Variants in PIEZO2 observed in about 807,000 individuals in gnomAD.
PIEZO2 encodes piezo type mechanosensitive ion channel component 2, also known as piezo-type mechanosensitive ion channel component 2.
PIEZO2 carries 172 observed loss-of-function variants against 337.3 expected under a neutral mutation model. That is an observed-to-expected ratio of 0.51 (90% CI 0.45 to 0.58). PIEZO2 has a LOEUF of 0.58. PIEZO2 is among the 20% of genes least tolerant of loss of function. The pLI is 0.00. For missense variants in PIEZO2, 3,028 were observed against 3,391.3 expected, an observed-to-expected ratio of 0.89 and a Z score of 2.66; for synonymous variants, 1,251 against 1,228.5, an observed-to-expected ratio of 1.02 and a Z score of -0.38.
chr18:10,938,766 G>A (rs1402408598), intron 3 of PIEZO2, among the ~76,000 whole-genome samples: 1 of 152,164 alleles, frequency 6.6e-6, no homozygotes, highest in African/African-American at 2.4e-5. Flanking sequence ...GAGATAACTA[G>A]GTAACAATTA....
chr18:11,121,828 C>T (rs996300204), intron 1 of PIEZO2, among the ~76,000 whole-genome samples: 1 of 152,196 alleles, frequency 6.6e-6, no homozygotes, highest in African/African-American at 2.4e-5. Flanking sequence ...TGCATTCAAC[C>T]TCTCTTTGAT....
chr18:11,136,339 G>A (rs2040486727), intron 1 of PIEZO2, among the ~76,000 whole-genome samples: 1 of 152,228 alleles, frequency 6.6e-6, no homozygotes, highest in Non-Finnish European at 1.5e-5. Context: ...CTAGGAGCTG[G>A]AGCCTTCTAG....
In PIEZO2 at chr18:10,671,421, A is replaced by T; in HGVS notation, c.*106T>A. 1 of 1,270,776 alleles carries T rather than the reference A, an allele frequency of 7.9e-7. No homozygotes were observed. The highest frequency in any genetic ancestry group is 1.1e-6 in the Non-Finnish European group (1 of 942,866). The allele number at this position is 1,270,776 out of a possible 1,614,324, so 78.7% of individuals were successfully genotyped here. A position where few individuals can be genotyped will look rare whatever the true frequency, so the allele number is the denominator to read the frequency against. Reference sequence around the variant, plus strand: ...CCTTTTGTCTACCTATCAGAAGAGAAACAAACCATTTCCGTCGAACTAGAA... The same window carrying T: ...CCTTTTGTCTACCTATCAGAAGAGATACAAACCATTTCCGTCGAACTAGAA... On this transcript the variant is annotated 3_prime_UTR_variant, in exon 56 of 56. Transcript: ENST00000674853.
intron 4 of PIEZO2, among the ~76,000 whole-genome samples, chr18:10,897,320 G>A (rs566708165): frequency 6.6e-6 from 1 of 152,140 alleles, no homozygotes; most frequent in Admixed American, 6.5e-5. Context: ...CCGAGTAGCT[G>A]GTATTACAGG....
intron 3 of PIEZO2, among the ~76,000 whole-genome samples, chr18:10,916,999 A>G (rs2145111203): frequency 6.6e-6 from 1 of 152,278 alleles, no homozygotes; most frequent in Admixed American, 6.5e-5. Context: ...GAATGCCTAT[A>G]GAAGTTCTCT....
rs530391020 is a variant in PIEZO2 at position 10,895,637 on chromosome 18, T to C, written c.329+15549A>G. The stretch of plus-strand genomic sequence containing the variant: ...GGGGTTGCCTCACTCAGGATTTGCA[T>C]TGGAGTGATCCTCAGTTTAACACCT... On this transcript the variant is annotated intron_variant, in intron 4 of 55. Transcript: ENST00000674853. The surrounding 1 kb of genome is among the most constrained non-coding windows in gnomAD (Gnocchi z 4.8). Among the ~76,000 whole-genome samples, 22 of 152,154 alleles carry C rather than the reference T, an allele frequency of 1.4e-4. No homozygotes were observed. The South Asian group carries it at 3.9e-3, about 27-fold the overall frequency.
rs1385130312 is a variant in PIEZO2, at chr18:10,762,494, C to T, written c.3249+6G>A. The T allele has an allele frequency of 1.3e-6, 2 of 1,536,602 alleles. No individual in the cohort carries two copies. Among genetic ancestry groups the T allele is most frequent in the African/African-American group, 1.4e-5 (1 of 73,114 alleles). On this transcript the variant is annotated splice_donor_region_variant and intron_variant, in intron 23 of 55. Coordinates refer to ENST00000674853, the MANE Select transcript of PIEZO2 (RefSeq NM_001378183.1). ...AGGCCCAAACTAAGCACGACAAAGC[C>T]ATTACCCTCAGGTAGACTAGCAGAG... is the stretch of plus-strand genomic sequence containing the variant.
chr18:10,685,874 C>T (rs149050657), intron 49 of PIEZO2, among the ~76,000 whole-genome samples: 28 of 152,298 alleles, frequency 1.8e-4, no homozygotes, highest in Non-Finnish European at 3.5e-4. Context: ...GCTGCGGGCA[C>T]GAGATTGCGC....
chr18:11,019,790 A>G (rs2036246608), intron 2 of PIEZO2, among the ~76,000 whole-genome samples: 1 of 152,186 alleles, frequency 6.6e-6, no homozygotes, highest in South Asian at 2.1e-4. Context: ...GGCAACTGAT[A>G]TACTCTATCT....
intron 17 of PIEZO2, 117 bp from the exon 18 acceptor site, chr18:10,780,483 A>G (rs2038941448): frequency 1.5e-6 from 1 of 657,226 alleles, no homozygotes; most frequent in African/African-American, 1.8e-5. Context: ...CCTAGCATCA[A>G]GTGTAGCCAC....
rs925151489 is a variant in PIEZO2 at position 11,028,068 on chromosome 18, C to A, written c.160+38059G>T. ...CCAAGCACCGTCACAGAGGGACAAG[C>A]AGTAGCTGCTTCTGTTGCTAGATCT... On this transcript the variant is annotated intron_variant, in intron 2 of 55. Transcript: ENST00000674853. The surrounding 1 kb of genome is among the most constrained non-coding windows in gnomAD (Gnocchi z 4.8). Among the ~76,000 whole-genome samples, 1 of 152,182 alleles carries A rather than the reference C, an allele frequency of 6.6e-6. No individual in the cohort carries two copies. The highest frequency in any genetic ancestry group is 1.5e-5 in the Non-Finnish European group (1 of 68,026).
rs2036897353 is a variant in PIEZO2 at position 11,035,465 on chromosome 18, C to T, written c.160+30662G>A. On this transcript the variant is annotated intron_variant, in intron 2 of 55. Coordinates refer to ENST00000674853, the MANE Select transcript of PIEZO2 (RefSeq NM_001378183.1). The surrounding 1 kb of genome is among the most constrained non-coding windows in gnomAD (Gnocchi z 4.3). ...GCCGTGCTTGCACAGCCTGCAGGAC[C>T]ATGAGTTAAATAAACCTGTTTCCTT... Among the ~76,000 whole-genome samples, 1 of 152,158 alleles carries T rather than the reference C, an allele frequency of 6.6e-6. No homozygotes were observed. The highest frequency in any genetic ancestry group is 2.1e-4 in the South Asian group (1 of 4,830).
rs967098308 is a variant in PIEZO2, at chr18:10,781,280, C to A, written c.2493-914G>T. On this transcript the variant is annotated intron_variant, in intron 17 of 55. Coordinates refer to ENST00000674853, the MANE Select transcript of PIEZO2 (RefSeq NM_001378183.1). The surrounding 1 kb of genome is among the most constrained non-coding windows in gnomAD (Gnocchi z 4.1). ...GGTCAAGAGTTCGATACCAGCCTGGCCAATATGGTGAAACCCCCGTCTCTA... is the reference window on the plus strand; with the variant it reads ...GGTCAAGAGTTCGATACCAGCCTGGACAATATGGTGAAACCCCCGTCTCTA... Among the ~76,000 whole-genome samples the A allele has an allele frequency of 1.4e-4, 21 of 151,936 alleles. No homozygotes were observed. Among genetic ancestry groups the A allele is most frequent in the African/African-American group, 5.1e-4 (21 of 41,462 alleles).
Position 10,789,243 on chromosome 18 carries a change from GC to G in PIEZO2, c.2004del (p.Glu668AspfsTer5), listed in dbSNP as rs1176993096. 6.5e-7 allele frequency: 1 copy of G among 1,537,304 alleles called. No individual in the cohort carries two copies. The highest frequency in any genetic ancestry group is 2.0e-5 in the Admixed American group (1 of 50,992). On this transcript the variant is annotated frameshift_variant, in exon 15 of 56. Coordinates refer to ENST00000674853, the MANE Select transcript of PIEZO2 (RefSeq NM_001378183.1). LOFTEE classifies it high-confidence loss of function. ...VEQEEAEEEDEQDIMKVLGNL... is the reference protein window; with the variant it reads ...VEQEEAEEEDXQDIMKVLGNL... ...TTGCCCAGGACTTTCATGATGTCCT[GC>G]TCATCTTCTTCTTCAGCTTCCTCTT...
intron 12 of PIEZO2, among the ~76,000 whole-genome samples, chr18:10,796,590 A>G (rs568581280): frequency 6.6e-6 from 1 of 152,360 alleles, no homozygotes; most frequent in East Asian, 1.9e-4. Context: ...ATGTATTAAT[A>G]CTTAAAAGGA....
rs1306968981 is a variant in PIEZO2 at position 11,127,724 on chromosome 18, C to T, written c.64+20801G>A. Among the ~76,000 whole-genome samples the T allele has an allele frequency of 6.6e-6, 1 of 151,016 alleles. No homozygotes were observed. The highest frequency in any genetic ancestry group is 1.9e-4 in the East Asian group (1 of 5,136). Reference sequence around the variant, plus strand: ...TATATATGTCATGTATATATATACACACATATATATGTATGTGTATATATA... The same window carrying T: ...TATATATGTCATGTATATATATACATACATATATATGTATGTGTATATATA... On this transcript the variant is annotated intron_variant, in intron 1 of 55. Transcript: ENST00000674853. This position sits in a 1 kb window ranked among gnomAD's most constrained non-coding sequence, Gnocchi z 4.5.
chr18:11,080,611 C>T lies in PIEZO2; in HGVS notation c.65-14389G>A, dbSNP rs535694196. Among the ~76,000 whole-genome samples, 3 of 152,312 alleles carry T rather than the reference C, an allele frequency of 2.0e-5. No homozygotes were observed. The highest frequency in any genetic ancestry group is 7.2e-5 in the African/African-American group (3 of 41,574). On this transcript the variant is annotated intron_variant, in intron 1 of 55. Transcript: ENST00000674853. This position sits in a 1 kb window ranked among gnomAD's most constrained non-coding sequence, Gnocchi z 5.4. ...CTATAATCCCAGCACTTTGGGAGAC[C>T]GAGGCGGGCAGATCATGAGGTCAGG...
intron 2 of PIEZO2, among the ~76,000 whole-genome samples, chr18:11,049,979 A>T (rs1316760437): frequency 6.6e-6 from 1 of 152,312 alleles, no homozygotes; most frequent in African/African-American, 2.4e-5. Context: ...TACTTTCTTT[A>T]GTCGTATAAT....
At chr18:10,771,969 G>A (rs75226514) in intron 20 of PIEZO2, among the ~76,000 whole-genome samples, 4,277 of 152,288 alleles carry the variant, frequency 0.028, 200 homozygotes, top group African/African-American at 0.097. Context: ...CCAAGTGAAA[G>A]AGTAGTGATG....
Sources: gnomAD v4.1 joint callset for allele counts (sites outside exome capture counted in the v4.1 genomes callset) on GRCh38, gnomAD v4.1.1 for gene constraint, Gnocchi (gnomAD v3.1) non-coding constraint, MANE v1.5 for transcripts, NCBI Gene and HGNC (gene_info 2026-07-23, HGNC 2026-07-21) for gene names.